The following OSBPL3 variants were observed in gnomAD, a reference collection of about 807,000 sequenced individuals.
The protein encoded by OSBPL3 is oxysterol binding protein like 3.
A neutral mutation model predicts 120.1 loss-of-function variants in OSBPL3; 65 were observed. The ratio of observed to expected loss-of-function variants is 0.54; its 90% confidence interval spans 0.44 to 0.67. The LOEUF (loss-of-function observed/expected upper bound fraction) is 0.67, where lower values mean the gene tolerates loss of function less well. Ranked by LOEUF, OSBPL3 falls within the 30% of genes least tolerant of loss-of-function variation. The pLI, the probability that OSBPL3 is intolerant of heterozygous loss-of-function variation, is 0.00. For synonymous variants in OSBPL3, 416 were observed against 402.6 expected (o/e 1.03, Z -0.40); for missense variants, 1,004 against 1,082.1 (o/e 0.93, Z 1.01).
intron 1 of OSBPL3, among the ~76,000 whole-genome samples, chr7:24,920,072 A>G (rs1036987696): frequency 3.9e-5 from 6 of 152,174 alleles, no homozygotes; most frequent in Non-Finnish European, 7.4e-5. Flanking sequence ...CAAACTTTGG[A>G]AAACCTTCTA....
rs147023153 is a variant in OSBPL3 at position 24,817,503 on chromosome 7, C to CAA, written c.1949-817_1949-816dup. Among the ~76,000 whole-genome samples, 367 of 151,098 alleles carry CAA rather than the reference C, an allele frequency of 2.4e-3. 1 individual carries two copies. Among genetic ancestry groups the CAA allele is most frequent in the Middle Eastern group, 0.024 (7 of 294 alleles). ...CCTGGGTGATGGAGTGAGATTCTGCCAAAAAAAACAAAACAAAACTGAAAA... is the reference window on the plus strand; with the variant it reads ...CCTGGGTGATGGAGTGAGATTCTGCCAAAAAAAAAACAAAACAAAACTGAAAA... On this transcript the variant is annotated intron_variant, in intron 17 of 22. Transcript: ENST00000313367. The surrounding 1 kb of genome is among the most constrained non-coding windows in gnomAD (Gnocchi z 4.0).
intron 2 of OSBPL3, among the ~76,000 whole-genome samples, chr7:24,882,278 C>G (rs1803809608): frequency 6.7e-6 from 1 of 150,294 alleles, no homozygotes; most frequent in Non-Finnish European, 1.5e-5. Context: ...GCTGAGTCTC[C>G]ATTATCTAGA....
intron 1 of OSBPL3, among the ~76,000 whole-genome samples, chr7:24,974,847 C>A (rs995699668): frequency 6.6e-6 from 1 of 152,080 alleles, no homozygotes; most frequent in African/African-American, 2.4e-5. Flanking sequence ...GGGGAATGGA[C>A]GGGCAGTATG....
At chr7:24,963,294 G>T (rs1244657192) in intron 1 of OSBPL3, among the ~76,000 whole-genome samples, 1 of 152,150 alleles carries the variant, frequency 6.6e-6, no homozygotes, top group East Asian at 1.9e-4. Context: ...GGGGGTGTTG[G>T]AGTCTAAAAG....
intron 1 of OSBPL3, among the ~76,000 whole-genome samples, chr7:24,909,179 C>G (rs1355751774): frequency 6.6e-6 from 1 of 152,168 alleles, no homozygotes; most frequent in East Asian, 1.9e-4. Context: ...AGCATGCATG[C>G]CTTGGCTTGT....
At position 24,947,469 on chromosome 7, in the gene OSBPL3, C is replaced by T. The variant is rs903292924; in HGVS notation, c.-150+32417G>A. Among the ~76,000 whole-genome samples, 72 of 152,184 alleles carry T rather than the reference C, an allele frequency of 4.7e-4. No individual in the cohort carries two copies. The highest frequency in any genetic ancestry group is 1.6e-3 in the African/African-American group (68 of 41,450). On this transcript the variant is annotated intron_variant, in intron 1 of 22. Transcript: ENST00000313367. This position sits in a 1 kb window ranked among gnomAD's most constrained non-coding sequence, Gnocchi z 4.4. ...TCCTGACTGCTGCTTTTGCTCCCCA[C>T]GTGACTACCCCTGAAAGCTGCATAT...
Position 24,913,444 on chromosome 7 carries a change from C to A in OSBPL3, c.-149-20823G>T, listed in dbSNP as rs1057283285. ...AGCATCCCACTCCTGCTGGGTAGGT[C>A]AGACTCAGAAGGGGGCTCCTTGACC... On this transcript the variant is annotated intron_variant, in intron 1 of 22. Transcript: ENST00000313367. This position sits in a 1 kb window ranked among gnomAD's most constrained non-coding sequence, Gnocchi z 5.3. Among the ~76,000 whole-genome samples the A allele has an allele frequency of 6.6e-6, 1 of 152,126 alleles. No homozygotes were observed. Among genetic ancestry groups the A allele is most frequent in the Non-Finnish European group, 1.5e-5 (1 of 68,020 alleles).
intron 1 of OSBPL3, among the ~76,000 whole-genome samples, chr7:24,944,076 TAAAAA>T (rs70942898): frequency 0.011 from 1,256 of 118,694 alleles, 28 homozygotes; most frequent in African/African-American, 0.038. Context: ...CAGTCTAAAG[TAAAAA>T]AAAAAAAAAA....
At chr7:24,928,200 T>G (rs1484356789) in intron 1 of OSBPL3, among the ~76,000 whole-genome samples, 2 of 150,462 alleles carry the variant, frequency 1.3e-5, no homozygotes, top group Non-Finnish European at 3.0e-5. Flanking sequence ...TTTTGTTTTT[T>G]TTTTTTTTTG....
At chr7:24,837,565 A>T (rs868345789) in intron 14 of OSBPL3, among the ~76,000 whole-genome samples, 8 of 152,166 alleles carry the variant, frequency 5.3e-5, no homozygotes, top group South Asian at 4.1e-4. Flanking sequence ...GATTACACTA[A>T]TCTGAATTTT....
chr7:24,828,968 C>A (rs1796056865), intron 16 of OSBPL3, among the ~76,000 whole-genome samples: 1 of 152,134 alleles, frequency 6.6e-6, no homozygotes, highest in African/African-American at 2.4e-5. Context: ...CTCTTTCTGT[C>A]TTTGTGCACA....
chr7:24,925,082 T>C (rs746913237), intron 1 of OSBPL3, among the ~76,000 whole-genome samples: 8 of 152,198 alleles, frequency 5.3e-5, no homozygotes, highest in Non-Finnish European at 7.3e-5. Context: ...TACTAAAGAT[T>C]TCTAAATGAC....
At chr7:24,909,783 CT>C (rs10591188) in intron 1 of OSBPL3, among the ~76,000 whole-genome samples, 1,840 of 77,284 alleles carry the variant, frequency 0.024, 13 homozygotes, top group African/African-American at 0.083. Context: ...TTTTTTCTTT[CT>C]TTTTTTTTTT....
chr7:24,889,520 A>T (rs7804283), intron 2 of OSBPL3, among the ~76,000 whole-genome samples: 1,899 of 152,316 alleles, frequency 0.012, 50 homozygotes, highest in African/African-American at 0.043. Context: ...CACTTCCTAA[A>T]GTGTACATGT....
chr7:24,871,350 A>C lies in OSBPL3; in HGVS notation c.267+392T>G, dbSNP rs1802082230. 6.6e-6 allele frequency among the ~76,000 whole-genome samples: 1 copy of C among 152,126 alleles called. No homozygotes were observed. The highest frequency in any genetic ancestry group is 2.4e-5 in the African/African-American group (1 of 41,430). On this transcript the variant is annotated intron_variant, in intron 4 of 22. Transcript: ENST00000313367. The surrounding 1 kb of genome is among the most constrained non-coding windows in gnomAD (Gnocchi z 4.8). Reference sequence around the variant, plus strand: ...TCACACACAGAGCCTTCACACACCAACTGCCTGGGATTAATTTGAAAAGGA... The same window carrying C: ...TCACACACAGAGCCTTCACACACCACCTGCCTGGGATTAATTTGAAAAGGA...
At chr7:24,836,873 T>G (rs1227762812) in intron 14 of OSBPL3, among the ~76,000 whole-genome samples, 2 of 152,144 alleles carry the variant, frequency 1.3e-5, no homozygotes, top group Non-Finnish European at 2.9e-5. Context: ...CTTGGTCTGT[T>G]GCCCAGGCTG....
chr7:24,919,202 CA>C (rs1198146959), intron 1 of OSBPL3, among the ~76,000 whole-genome samples: 1 of 152,066 alleles, frequency 6.6e-6, no homozygotes, highest in Non-Finnish European at 1.5e-5. Context: ...ACATCAGCAT[CA>C]CATCAAAAAA....
In OSBPL3 at chr7:24,912,938, A is replaced by G. The variant is rs1479777962; in HGVS notation, c.-149-20317T>C. Reference sequence around the variant, plus strand: ...TGTTGTCTCAGGGTGCTTGCCCTTCAACTCAGCCACCACGATGTGAGTAAG... The same window carrying G: ...TGTTGTCTCAGGGTGCTTGCCCTTCGACTCAGCCACCACGATGTGAGTAAG... On this transcript the variant is annotated intron_variant, in intron 1 of 22. Coordinates refer to ENST00000313367, the MANE Select transcript of OSBPL3 (RefSeq NM_015550.4). The surrounding 1 kb of genome is among the most constrained non-coding windows in gnomAD (Gnocchi z 4.5). Among the ~76,000 whole-genome samples the G allele has an allele frequency of 2.6e-5, 4 of 152,186 alleles. No individual in the cohort carries two copies. Among genetic ancestry groups the G allele is most frequent in the Non-Finnish European group, 4.4e-5 (3 of 68,024 alleles).
At position 24,912,713 on chromosome 7, in the gene OSBPL3, T is replaced by C. The variant is rs1448680724; in HGVS notation, c.-149-20092A>G. On this transcript the variant is annotated intron_variant, in intron 1 of 22. Transcript: ENST00000313367. The surrounding 1 kb of genome is among the most constrained non-coding windows in gnomAD (Gnocchi z 4.5). ...ATTCATCATTACTGGGTGTGGAAGA[T>C]GTATTTTTCAAAGACGACCATACCA... Among the ~76,000 whole-genome samples the C allele has an allele frequency of 6.6e-6, 1 of 152,232 alleles. No homozygotes were observed. The highest frequency in any genetic ancestry group is 1.5e-5 in the Non-Finnish European group (1 of 68,042).
Sources: allele counts gnomAD v4.1 joint callset (sites outside exome capture counted in the v4.1 genomes callset), GRCh38; gene constraint gnomAD v4.1.1; non-coding constraint Gnocchi (gnomAD v3.1); transcripts MANE v1.5; gene names NCBI Gene and HGNC (gene_info 2026-07-23, HGNC 2026-07-21).